The following S100PBP variants were observed in gnomAD, a reference collection of about 807,000 sequenced individuals.
S100PBP encodes S100P-binding protein.
S100PBP carries 15 observed loss-of-function variants against 39.9 expected under a neutral mutation model. The ratio of observed to expected loss-of-function variants is 0.38; its 90% CI spans 0.25 to 0.58. The LOEUF is 0.58. Among genes scored for constraint, S100PBP ranks in the 20% least tolerant of loss-of-function variants. S100PBP has a pLI of 0.70. For synonymous variants in S100PBP, 178 were observed against 180.3 expected (o/e 0.99, Z 0.10); for missense variants, 504 against 487.3 (o/e 1.03, Z -0.32).
intron 4 of S100PBP, among the ~76,000 whole-genome samples, chr1:32,829,428 G>A (rs1639489976): frequency 6.6e-6 from 1 of 152,060 alleles, no homozygotes; most frequent in African/African-American, 2.4e-5. Context: ...GTTAGCAGGA[G>A]GTTGTATCTA....
chr1:32,850,321 C>G (rs980788071), intron 5 of S100PBP, among the ~76,000 whole-genome samples: 6 of 152,166 alleles, frequency 3.9e-5, no homozygotes, highest in Non-Finnish European at 5.9e-5. Flanking sequence ...TTTTATAAAG[C>G]TGATTCTCCC....
At chr1:32,820,260 C>T (rs1308491577) in intron 1 of S100PBP, among the ~76,000 whole-genome samples, 1 of 149,892 alleles carries the variant, frequency 6.7e-6, no homozygotes, top group Non-Finnish European at 1.5e-5. Context: ...GATTCTCCTG[C>T]TTCAGCCTCC....
chr1:32,829,288 AGT>A (rs1488371937), intron 4 of S100PBP, among the ~76,000 whole-genome samples: 1 of 152,172 alleles, frequency 6.6e-6, no homozygotes. Context: ...GGCCAGATCT[AGT>A]GATTCTTTTC....
At position 32,826,243 on chromosome 1, in the gene S100PBP, T is replaced by A; in HGVS notation, c.144T>A (p.Asp48Glu). The change falls in exon 3 of 7, where the codon GAT becomes GAA. Residue 48 changes from aspartate to glutamate, a missense_variant. Transcript: ENST00000373475. ...LLELSEGEED[D>E]GDVNYTEEEI... ...AGCTGTCAGAGGGAGAAGAAGATGA[T>A]GGTGATGTAAATTACACAGAGGAAG... is the stretch of plus-strand genomic sequence containing the variant. 1.2e-6 allele frequency: 2 copies of A among 1,614,160 alleles called. No individual in the cohort carries two copies. Among genetic ancestry groups the A allele is most frequent in the Non-Finnish European group, 1.7e-6 (2 of 1,180,016 alleles).
intron 5 of S100PBP, chr1:32,835,440 T>C (rs1217356506): frequency 6.6e-6 from 1 of 152,166 alleles, no homozygotes; most frequent in African/African-American, 2.4e-5. Flanking sequence ...AATTACCATC[T>C]TAACCATTTT....
intron 5 of S100PBP, among the ~76,000 whole-genome samples, chr1:32,844,859 C>G (rs561462914): frequency 2.6e-5 from 4 of 151,394 alleles, no homozygotes; most frequent in African/African-American, 9.7e-5. Context: ...GATGGACTCT[C>G]GCTCTGTTGC....
At chr1:32,834,281 A>C (rs1458564592) in intron 5 of S100PBP, among the ~76,000 whole-genome samples, 1 of 152,192 alleles carries the variant, frequency 6.6e-6, no homozygotes, top group Admixed American at 6.5e-5. Context: ...CAATTTCCTT[A>C]GTTGTCCCAA....
Position 32,827,978 on chromosome 1 carries a change from T to G in S100PBP, c.832-15T>G. 1.9e-6 allele frequency: 3 copies of G among 1,571,852 alleles called. No individual in the cohort carries two copies. The highest frequency in any genetic ancestry group is 2.6e-6 in the Non-Finnish European group (3 of 1,145,536). Reference sequence around the variant, plus strand: ...AGAATCACCTTTCCTTTTGCATTCCTTTTCCTCAAAAAAGCAGGATGTTCT... The same window carrying G: ...AGAATCACCTTTCCTTTTGCATTCCGTTTCCTCAAAAAAGCAGGATGTTCT... On this transcript the variant is annotated splice_polypyrimidine_tract_variant and intron_variant, in intron 3 of 6. Transcript: ENST00000373475.
chr1:32,839,701 G>T (rs1269539226), intron 5 of S100PBP, among the ~76,000 whole-genome samples: 1 of 152,148 alleles, frequency 6.6e-6, no homozygotes. Context: ...TTAGAGACGG[G>T]GTCTCACTGT....
At chr1:32,851,500 T>C (rs1440745548) in intron 5 of S100PBP, among the ~76,000 whole-genome samples, 2 of 151,984 alleles carry the variant, frequency 1.3e-5, no homozygotes, top group African/African-American at 4.8e-5. Flanking sequence ...ACCCTGTCTC[T>C]ACTAAAAATA....
At position 32,838,529 on chromosome 1, in the gene S100PBP, A is replaced by G. The variant is rs1639947991; in HGVS notation, c.1024+8462A>G. ...AAATACACATAATATACACATAACC[A>G]TCTTTTTAAAACCTCTTTATAAAAA... On this transcript the variant is annotated intron_variant, in intron 5 of 6. Transcript: ENST00000373475. Among the ~76,000 whole-genome samples the G allele has an allele frequency of 2.0e-5, 3 of 151,816 alleles. No individual in the cohort carries two copies. The South Asian group carries it at 6.2e-4, about 32-fold the overall frequency.
In S100PBP at chr1:32,826,537, A is replaced by G. The variant is rs746988771; in HGVS notation, c.438A>G (p.Val146=). ...TACTAGAAAAGAATCTTATAAAAGT[A>G]ACTGTTGCACCATTTAATCCAACAG... ...RSVLEKNLIK[V]TVAPFNPTVC... is the part of the protein sequence containing the mutation. Residue 146 remains valine (V), a synonymous_variant, in exon 3 of 7, where the codon GTA becomes GTG. Transcript: ENST00000373475. The G allele has an allele frequency of 1.9e-5, 31 of 1,614,016 alleles. No homozygotes were observed. Among genetic ancestry groups the G allele is most frequent in the Non-Finnish European group, 2.6e-5 (31 of 1,180,034 alleles).
chr1:32,838,416 A>G (rs1288503410), intron 5 of S100PBP, among the ~76,000 whole-genome samples: 2 of 151,826 alleles, frequency 1.3e-5, no homozygotes, highest in African/African-American at 4.8e-5. Flanking sequence ...TTCTATTAGC[A>G]GTTGTATGAA....
chr1:32,842,234 TATACACACAC>T lies in S100PBP; in HGVS notation c.1025-10843_1025-10834del, dbSNP rs1416799012. Among the ~76,000 whole-genome samples the T allele has an allele frequency of 2.0e-3, 181 of 91,918 alleles. 1 individual carries two copies. Among genetic ancestry groups the T allele is most frequent in the East Asian group, 2.1e-3 (7 of 3,334 alleles). The allele number at this position is 91,918 out of a possible 152,430, so 60.3% of individuals were successfully genotyped here. On this transcript the variant is annotated intron_variant, in intron 5 of 6. Transcript: ENST00000373475. ...ATATATATATATGTATATATATATA[TATACACACAC>T]ACACACACACACACACACACACACA...
chr1:32,836,589 G>C (rs1393190619), intron 5 of S100PBP: 15 of 982,382 alleles, frequency 1.5e-5, no homozygotes, highest in African/African-American at 1.0e-4. Flanking sequence ...TATTTTTGTA[G>C]AGTTGTTAAT....
chr1:32,816,921 G>A (rs2148620568), upstream of S100PBP: 10 of 591,226 alleles, frequency 1.7e-5, 1 homozygote, highest in South Asian at 2.0e-4. Context: ...CTTAATAGGG[G>A]GGTGGAATGG....
At chr1:32,819,837 A>C (rs1475591213) in intron 1 of S100PBP, among the ~76,000 whole-genome samples, 1 of 152,112 alleles carries the variant, frequency 6.6e-6, no homozygotes, top group Non-Finnish European at 1.5e-5. Context: ...ATTTTTTCTC[A>C]TGATAATCTG....
chr1:32,857,679 A>G lies in S100PBP; in HGVS notation c.*1641A>G, dbSNP rs1640875970. The G allele has an allele frequency of 1.3e-5, 2 of 152,256 alleles. No homozygotes were observed. The highest frequency in any genetic ancestry group is 4.8e-5 in the African/African-American group (2 of 41,538). 9.4% of individuals were successfully genotyped at this position (152,256 alleles called of 1,614,324 possible). The stretch of plus-strand genomic sequence containing the variant: ...AGTGTTGCAGTCTGGCATTTGTGCT[A>G]TTGTTCATTCTCTGTGAAGGCTGTT... On this transcript the variant is annotated 3_prime_UTR_variant, in exon 7 of 7. Transcript: ENST00000373475.
intron 5 of S100PBP, among the ~76,000 whole-genome samples, chr1:32,838,703 C>T (rs975014375): frequency 7.9e-5 from 12 of 151,884 alleles, no homozygotes; most frequent in African/African-American, 1.7e-4. Context: ...ATTAACCAGG[C>T]GTGGTGGCAG....
Sources: allele counts gnomAD v4.1 joint callset (sites outside exome capture counted in the v4.1 genomes callset), GRCh38; gene constraint gnomAD v4.1.1; transcripts MANE v1.5; gene names NCBI Gene and HGNC (gene_info 2026-07-23, HGNC 2026-07-21).